Variants in AGBL1 observed in about 807,000 individuals in gnomAD.
AGBL1 encodes the protein cytosolic carboxypeptidase 4.
A neutral mutation model predicts 118.9 loss-of-function variants in AGBL1; 130 were observed. That is an observed-to-expected ratio of 1.09 (90% CI 0.95 to 1.26). AGBL1 has a LOEUF of 1.26. Ranked by LOEUF, AGBL1 falls within the 50% of genes most tolerant of loss-of-function variation. The pLI, the probability that AGBL1 is intolerant of heterozygous loss-of-function variation, is 0.00. For missense variants in AGBL1, 1,584 were observed against 1,298.1 expected, an observed-to-expected ratio of 1.22 and a Z score of -3.38; for synonymous variants, 555 against 478.9, an observed-to-expected ratio of 1.16 and a Z score of -2.08.
intron 24 of AGBL1, among the ~76,000 whole-genome samples, chr15:87,012,192 T>TACACACACACACACACAC (rs57985975): frequency 2.3e-4 from 33 of 142,784 alleles, no homozygotes; most frequent in African/African-American, 6.6e-4. Flanking sequence ...TACAAATTTA[T>TACACACACACACACACAC]ACACACACAC....
chr15:86,308,957 G>A (rs1262117012), intron 17 of AGBL1, among the ~76,000 whole-genome samples: 2 of 152,154 alleles, frequency 1.3e-5, no homozygotes, highest in African/African-American at 4.8e-5. Flanking sequence ...CTATTTCTGT[G>A]AAAAGTATCA....
chr15:86,900,902 C>A (rs976037672), intron 22 of AGBL1, among the ~76,000 whole-genome samples: 1 of 152,194 alleles, frequency 6.6e-6, no homozygotes, highest in Non-Finnish European at 1.5e-5. Context: ...ACTTAACAAT[C>A]TTCTCACATA....
At chr15:86,918,906 G>A (rs561633479), downstream of AGBL1, among the ~76,000 whole-genome samples, 14 of 152,214 alleles carry the variant, frequency 9.2e-5, no homozygotes, top group Non-Finnish European at 1.8e-4. Flanking sequence ...CCCTTAAGGT[G>A]TCTGCTCTGG....
chr15:86,655,499 C>G (rs938869498), intron 21 of AGBL1, among the ~76,000 whole-genome samples: 2 of 152,108 alleles, frequency 1.3e-5, no homozygotes, highest in African/African-American at 2.4e-5. Flanking sequence ...TTTCTTTTCT[C>G]TTGTCTTTCC....
At chr15:86,210,214 G>T (rs1412346457) in intron 5 of AGBL1, among the ~76,000 whole-genome samples, 3 of 152,194 alleles carry the variant, frequency 2.0e-5, no homozygotes, top group Non-Finnish European at 2.9e-5. Flanking sequence ...CCCTTTGTGG[G>T]TAACTTGACC....
intron 15 of AGBL1, among the ~76,000 whole-genome samples, chr15:86,276,219 A>C (rs939866067): frequency 6.6e-6 from 1 of 152,184 alleles, no homozygotes; most frequent in African/African-American, 2.4e-5. Context: ...GAAGATCAAA[A>C]CTTCAGATTC....
intron 22 of AGBL1, among the ~76,000 whole-genome samples, chr15:86,687,390 C>G (rs905215210): frequency 4.6e-5 from 7 of 152,094 alleles, no homozygotes; most frequent in African/African-American, 1.7e-4. Flanking sequence ...ATTAGACCCT[C>G]ATGTCTGCTG....
intron 22 of AGBL1, among the ~76,000 whole-genome samples, chr15:86,734,081 T>C (rs192547725): frequency 3.9e-5 from 6 of 152,310 alleles, no homozygotes; most frequent in Admixed American, 1.3e-4. Flanking sequence ...TACTGGACCC[T>C]GTTCTAGGCA....
At chr15:86,545,349 T>C (rs1441431389) in intron 19 of AGBL1, among the ~76,000 whole-genome samples, 1 of 152,216 alleles carries the variant, frequency 6.6e-6, no homozygotes, top group Non-Finnish European at 1.5e-5. Flanking sequence ...TCTGTTTTTG[T>C]ATATTTCACC....
chr15:86,535,212 C>G (rs986739075), intron 19 of AGBL1, among the ~76,000 whole-genome samples: 2 of 152,178 alleles, frequency 1.3e-5, no homozygotes, highest in African/African-American at 2.4e-5. Flanking sequence ...AAAGATCCAG[C>G]CAGAGAGGCG....
intron 22 of AGBL1, among the ~76,000 whole-genome samples, 194 bp downstream of exon 22, chr15:86,674,630 T>G (rs11853833): frequency 0.49 from 74,028 of 152,004 alleles, 18,729 homozygotes; most frequent in Non-Finnish European, 0.56. Flanking sequence ...TACACATATA[T>G]GCAAATATAA....
At chr15:86,403,550 T>C (rs895083688) in intron 18 of AGBL1, among the ~76,000 whole-genome samples, 2 of 152,198 alleles carry the variant, frequency 1.3e-5, no homozygotes, top group Non-Finnish European at 2.9e-5. Flanking sequence ...TGTGAAGACT[T>C]TACAATAAGA....
intron 23 of AGBL1, among the ~76,000 whole-genome samples, chr15:86,970,818 T>A (rs1283395887): frequency 6.6e-6 from 1 of 151,964 alleles, no homozygotes; most frequent in Non-Finnish European, 1.5e-5. Flanking sequence ...GCCCTCCATA[T>A]CTATGGGTCC....
intron 22 of AGBL1, among the ~76,000 whole-genome samples, chr15:86,751,407 C>T (rs1478852977): frequency 6.6e-6 from 1 of 152,102 alleles, no homozygotes; most frequent in Non-Finnish European, 1.5e-5. Context: ...AAACATAAAA[C>T]CCCAAACAAT....
At chr15:86,182,391 T>C (rs2077565788) in intron 5 of AGBL1, among the ~76,000 whole-genome samples, 1 of 152,058 alleles carries the variant, frequency 6.6e-6, no homozygotes, top group African/African-American at 2.4e-5. Flanking sequence ...TTCTGCTACA[T>C]CCTATCTGCT....
chr15:86,796,705 G>C (rs2078577783), intron 22 of AGBL1, among the ~76,000 whole-genome samples: 1 of 152,170 alleles, frequency 6.6e-6, no homozygotes, highest in Non-Finnish European at 1.5e-5. Flanking sequence ...AACATTATTA[G>C]AACATAGCTA....
intron 18 of AGBL1, among the ~76,000 whole-genome samples, chr15:86,474,760 A>T (rs2082531060): frequency 6.6e-6 from 1 of 152,188 alleles, no homozygotes; most frequent in African/African-American, 2.4e-5. Context: ...GAGACCTGAG[A>T]ACGGACAGAC....
intron 22 of AGBL1, among the ~76,000 whole-genome samples, chr15:86,787,787 T>A (rs2078435588): frequency 6.6e-6 from 1 of 152,188 alleles, no homozygotes; most frequent in South Asian, 2.1e-4. Context: ...AATTTGCATT[T>A]TTCTCAATTA....
intron 22 of AGBL1, among the ~76,000 whole-genome samples, chr15:86,711,632 C>A (rs778077443): frequency 6.6e-6 from 1 of 152,144 alleles, no homozygotes; most frequent in Non-Finnish European, 1.5e-5. Flanking sequence ...ATTAATAGGT[C>A]ATGGCAAAGA....
Sources: allele counts gnomAD v4.1 joint callset (sites outside exome capture counted in the v4.1 genomes callset), GRCh38; gene constraint gnomAD v4.1.1; transcripts MANE v1.5; gene names NCBI Gene and HGNC (gene_info 2026-07-23, HGNC 2026-07-21).